Variants in FAM234A observed in about 807,000 individuals in gnomAD.
FAM234A encodes the protein protein FAM234A.
FAM234A carries 42 observed loss-of-function variants against 49.1 expected under a neutral mutation model. The observed-to-expected ratio is 0.86, with a 90% CI of 0.67 to 1.11. The LOEUF (loss-of-function observed/expected upper bound fraction) is 1.11. Ranked by LOEUF, FAM234A falls within the 50% of genes least tolerant of loss-of-function variation. The pLI is 0.00. For synonymous variants in FAM234A, 369 were observed against 316.2 expected, an observed-to-expected ratio of 1.17 and a Z score of -1.77; for missense variants, 815 against 745.2, an observed-to-expected ratio of 1.09 and a Z score of -1.09.
At chr16:257,236 CTTTTTTTTTT>C (rs759071082) in intron 3 of FAM234A, among the ~76,000 whole-genome samples, 1,145 of 89,050 alleles carry the variant, frequency 0.013, 24 homozygotes, top group African/African-American at 0.045. Context: ...TCAATGAAGT[CTTTTTTTTTT>C]TTTTTTTTTT....
downstream of FAM234A, among the ~76,000 whole-genome samples, chr16:267,688 T>C (rs1360667181): frequency 1.4e-5 from 2 of 144,502 alleles, no homozygotes; most frequent in African/African-American, 5.2e-5. Context: ...CCTGCACACG[T>C]GCACTACACA....
Position 259,569 on chromosome 16 carries a change from A to G in FAM234A, c.355A>G (p.Asn119Asp), listed in dbSNP as rs1336661462. Reference protein sequence around the residue: ...LFLYKNTNSSNNFSRSCVDEG... With the variant: ...LFLYKNTNSSDNFSRSCVDEG... ...TCTTTATAAAAACACCAACAGCAGCAACAATTTCAGCCGATCCTGTGTGGA... is the reference window on the plus strand; with the variant it reads ...TCTTTATAAAAACACCAACAGCAGCGACAATTTCAGCCGATCCTGTGTGGA... Residue 119 changes from asparagine to aspartate, a missense_variant, in exon 4 of 13, where the codon AAC becomes GAC. By Grantham distance (23) the Asn-to-Asp change is conservative (BLOSUM62 1). Coordinates refer to ENST00000399932, the MANE Select transcript of FAM234A (RefSeq NM_032039.4). The G allele has an allele frequency of 1.2e-6, 2 of 1,610,764 alleles. No individual in the cohort carries two copies. Among genetic ancestry groups the G allele is most frequent in the Admixed American group, 3.3e-5 (2 of 60,000 alleles).
chr16:254,794 C>G (rs1488567418), intron 3 of FAM234A, 113 bp downstream of exon 3: 15 of 1,102,212 alleles, frequency 1.4e-5, no homozygotes, highest in Non-Finnish European at 1.3e-5. Flanking sequence ...AACAGTGAAT[C>G]AATCCCAAGA....
chr16:240,850 C>T (rs2050588518), intron 1 of FAM234A, among the ~76,000 whole-genome samples: 1 of 152,074 alleles, frequency 6.6e-6, no homozygotes, highest in Non-Finnish European at 1.5e-5. Context: ...GTTTCTGTTT[C>T]TAACTGGTGA....
At chr16:267,242 C>G (rs568942200), downstream of FAM234A, among the ~76,000 whole-genome samples, 1 of 152,032 alleles carries the variant, frequency 6.6e-6, no homozygotes, top group Admixed American at 6.6e-5. Context: ...CACTGTTCCC[C>G]CTCTGGAGGG....
chr16:251,010 G>A (rs969080303), intron 2 of FAM234A, among the ~76,000 whole-genome samples: 5 of 152,114 alleles, frequency 3.3e-5, no homozygotes, highest in African/African-American at 9.7e-5. Flanking sequence ...AGGCTGGAGT[G>A]CAATGGTGCA....
chr16:268,087 C>T (rs368496327), downstream of FAM234A, among the ~76,000 whole-genome samples: 2,604 of 149,656 alleles, frequency 0.017, 29 homozygotes, highest in Non-Finnish European at 0.028. Context: ...CGTACACACA[C>T]TTGTGCCTCA....
chr16:262,462 G>T lies in FAM234A; in HGVS notation c.880G>T (p.Glu294Ter), dbSNP rs759550507. The T allele has an allele frequency of 1.9e-6, 3 of 1,612,012 alleles. No individual in the cohort carries two copies. The highest frequency in any genetic ancestry group is 2.5e-6 in the Non-Finnish European group (3 of 1,178,978). The part of the protein sequence containing the change: ...LCGCSVKGLY[E>*]KVTGSGGPFK... ...CGGCTGCTCTGTGAAGGGTCTCTAC[G>T]AGAAGGTGACCGGGAGCGGCGGCCC... The change falls in exon 8 of 13, where the codon GAG (glutamate) becomes TAG (stop). Residue 294 changes from glutamate to a stop codon, truncating the protein, a stop_gained. Coordinates refer to ENST00000399932, the MANE Select transcript of FAM234A (RefSeq NM_032039.4). LOFTEE classifies it high-confidence loss of function.
chr16:252,476 C>T (rs2065016535), intron 2 of FAM234A, among the ~76,000 whole-genome samples: 1 of 152,082 alleles, frequency 6.6e-6, no homozygotes, highest in Non-Finnish European at 1.5e-5. Flanking sequence ...GCCACCGTGC[C>T]CGGCCGGAAA....
At chr16:257,498 G>A (rs564764265) in intron 3 of FAM234A, among the ~76,000 whole-genome samples, 24 of 151,728 alleles carry the variant, frequency 1.6e-4, no homozygotes, top group African/African-American at 5.1e-4. Context: ...CACCCGCCTC[G>A]GCCTCCCATA....
chr16:250,056 C>T (rs2050945401), intron 2 of FAM234A, among the ~76,000 whole-genome samples: 1 of 152,324 alleles, frequency 6.6e-6, no homozygotes, highest in Admixed American at 6.5e-5. Context: ...CGCCGTTCTC[C>T]TGCCGCAGCC....
At chr16:245,121 C>G (rs899370679) in intron 1 of FAM234A, among the ~76,000 whole-genome samples, 44 of 151,998 alleles carry the variant, frequency 2.9e-4, no homozygotes, top group African/African-American at 9.9e-4. Context: ...CTGAGGCAGG[C>G]AGATCACTTG....
intron 1 of FAM234A, among the ~76,000 whole-genome samples, chr16:237,666 C>T (rs538810418): frequency 1.1e-4 from 17 of 151,362 alleles, no homozygotes; most frequent in African/African-American, 3.6e-4. Context: ...CAAGTGATCT[C>T]GGAGTGAAAG....
chr16:244,610 T>G (rs2050738998), intron 1 of FAM234A, among the ~76,000 whole-genome samples: 1 of 151,972 alleles, frequency 6.6e-6, no homozygotes, highest in South Asian at 2.1e-4. Flanking sequence ...TTGGACTACT[T>G]ATAGATTCAC....
chr16:235,894 T>C (rs2050381665), intron 1 of FAM234A, among the ~76,000 whole-genome samples: 2 of 151,178 alleles, frequency 1.3e-5, no homozygotes, highest in Admixed American at 1.3e-4. Flanking sequence ...GGCTCACGCC[T>C]GTCATCCCAG....
Position 264,795 on chromosome 16 carries a change from GT to G in FAM234A, c.1448-15del. The G allele has an allele frequency of 6.2e-7, 1 of 1,607,604 alleles. No individual in the cohort carries two copies. ...GGTCCTGAGCCGCCCTGACAGCTGT[GT>G]CCCCCACCCTGCAGCCGTCCTGTTT... On this transcript the variant is annotated splice_polypyrimidine_tract_variant and intron_variant, in intron 12 of 12. Coordinates refer to ENST00000399932, the MANE Select transcript of FAM234A (RefSeq NM_032039.4).
chr16:263,866 G>T, intron 10 of FAM234A, 91 bp downstream of exon 10: 1 of 1,402,418 alleles, frequency 7.1e-7, no homozygotes, highest in Non-Finnish European at 1.0e-6. Context: ...CCAGGAGGCT[G>T]CTGCCGTCAG....
At chr16:238,003 CTA>C (rs2050461925) in intron 1 of FAM234A, among the ~76,000 whole-genome samples, 1 of 71,952 alleles carries the variant, frequency 1.4e-5, no homozygotes, top group South Asian at 4.0e-4. Context: ...CGTGCCTGGC[CTA>C]TGTTATTTAT....
chr16:253,306 C>T (rs2051094714), intron 2 of FAM234A, among the ~76,000 whole-genome samples: 1 of 152,018 alleles, frequency 6.6e-6, no homozygotes, highest in South Asian at 2.1e-4. Context: ...ACCGAGCTCA[C>T]TCAACACAGC....
Sources: gnomAD v4.1 joint callset for allele counts (sites outside exome capture counted in the v4.1 genomes callset) on GRCh38, gnomAD v4.1.1 for gene constraint, MANE v1.5 for transcripts, NCBI Gene and HGNC (gene_info 2026-07-23, HGNC 2026-07-21) for gene names.